PTPRM: variants seen among roughly 807,000 people sequenced by gnomAD.
PTPRM encodes protein tyrosine phosphatase receptor type M.
A neutral mutation model predicts 186.7 loss-of-function variants in PTPRM; 47 were observed. The observed-to-expected ratio is 0.25, with a 90% CI of 0.20 to 0.32. The LOEUF is 0.32. PTPRM is among the 10% of genes least tolerant of loss of function. The pLI is 1.00. For synonymous variants in PTPRM, 668 were observed against 674.9 expected (o/e 0.99, Z 0.16); for missense variants, 1,494 against 1,865.0 (o/e 0.80, Z 3.66).
At chr18:7,934,116 T>C (rs2051653429) in intron 5 of PTPRM, among the ~76,000 whole-genome samples, 1 of 152,194 alleles carries the variant, frequency 6.6e-6, no homozygotes, top group African/African-American at 2.4e-5. Flanking sequence ...ATAAGAAATA[T>C]ACCTTTAATA....
chr18:8,214,789 G>C (rs1417188706), intron 14 of PTPRM, among the ~76,000 whole-genome samples: 3 of 152,086 alleles, frequency 2.0e-5, no homozygotes, highest in Non-Finnish European at 2.9e-5. Context: ...TCAGCCTCCT[G>C]AGTAGCGGGA....
At chr18:8,064,433 T>C (rs1054974385) in intron 7 of PTPRM, among the ~76,000 whole-genome samples, 1 of 152,162 alleles carries the variant, frequency 6.6e-6, no homozygotes, top group Admixed American at 6.5e-5. Flanking sequence ...GCCTATTTGT[T>C]AGGAAGATAC....
At chr18:7,781,476 G>A (rs1016339999) in intron 2 of PTPRM, among the ~76,000 whole-genome samples, 2 of 151,836 alleles carry the variant, frequency 1.3e-5, no homozygotes, top group Admixed American at 6.6e-5. Context: ...TTTTAGGTTC[G>A]GGGGTACATG....
intron 9 of PTPRM, among the ~76,000 whole-genome samples, chr18:8,084,866 G>A (rs1165248250): frequency 6.6e-6 from 1 of 151,970 alleles, no homozygotes; most frequent in Admixed American, 6.6e-5. Context: ...AGGCACCTAT[G>A]TTATATTTAT....
intron 1 of PTPRM, among the ~76,000 whole-genome samples, chr18:7,771,425 G>C (rs555480621): frequency 1.3e-5 from 2 of 152,136 alleles, no homozygotes; most frequent in South Asian, 4.2e-4. Context: ...CTAACATTTC[G>C]TACCCCAAAC....
intron 14 of PTPRM, among the ~76,000 whole-genome samples, chr18:8,179,329 A>G (rs958396618): frequency 6.6e-6 from 1 of 152,216 alleles, no homozygotes; most frequent in African/African-American, 2.4e-5. Flanking sequence ...ACTTTACTCA[A>G]TTGTTAAAAG....
chr18:7,601,968 A>G (rs983703732), intron 1 of PTPRM, among the ~76,000 whole-genome samples: 2 of 152,234 alleles, frequency 1.3e-5, no homozygotes, highest in Admixed American at 1.3e-4. Flanking sequence ...TTGAGCCCCT[A>G]GGCATGCTAG....
chr18:8,008,138 T>G (rs1428945844), intron 7 of PTPRM, among the ~76,000 whole-genome samples: 1 of 152,174 alleles, frequency 6.6e-6, no homozygotes, highest in Non-Finnish European at 1.5e-5. Flanking sequence ...GAAGTGGCAT[T>G]GGGTTGGGGT....
At chr18:8,376,283 T>G in intron 25 of PTPRM, 83 bp downstream of exon 25, 1 of 1,561,448 alleles carries the variant, frequency 6.4e-7, no homozygotes, top group Middle Eastern at 1.7e-4. Context: ...GAGTATGTTT[T>G]AGAACTTCAG....
At chr18:8,153,274 G>A (rs1329766157) in intron 14 of PTPRM, among the ~76,000 whole-genome samples, 6 of 152,172 alleles carry the variant, frequency 3.9e-5, no homozygotes. Context: ...AGTTGCCCTT[G>A]TGACCCTAGC....
chr18:8,069,920 G>A lies in PTPRM; in HGVS notation c.1367G>A (p.Ser456Asn). ...AACCTGTCACCATACACCAATGTCAGTGTGAAACTGATCCTCATGAACCCA... is the reference window on the plus strand; with the variant it reads ...AACCTGTCACCATACACCAATGTCAATGTGAAACTGATCCTCATGAACCCA... Reference protein sequence around the residue: ...ITNLSPYTNVSVKLILMNPEG... With the variant: ...ITNLSPYTNVNVKLILMNPEG... Residue 456 changes from serine (S) to asparagine (N), a missense_variant, in exon 8 of 33, where the codon AGT becomes AAT. Transcript: ENST00000580170. 6.2e-7 allele frequency: 1 copy of A among 1,614,078 alleles called. No individual in the cohort carries two copies. Among genetic ancestry groups the A allele is most frequent in the Non-Finnish European group, 8.5e-7 (1 of 1,179,960 alleles).
chr18:8,308,389 A>G (rs1197899250), intron 20 of PTPRM, among the ~76,000 whole-genome samples: 2 of 152,256 alleles, frequency 1.3e-5, no homozygotes, highest in Non-Finnish European at 2.9e-5. Flanking sequence ...GGTCCAATAG[A>G]AAGAAACTAT....
At chr18:7,883,355 G>C (rs937607735) in intron 2 of PTPRM, among the ~76,000 whole-genome samples, 1 of 152,124 alleles carries the variant, frequency 6.6e-6, no homozygotes, top group Non-Finnish European at 1.5e-5. Context: ...GCCATATAGG[G>C]ATAGTTTAAA....
chr18:7,947,355 A>G (rs990484683), intron 5 of PTPRM, among the ~76,000 whole-genome samples: 2 of 152,116 alleles, frequency 1.3e-5, no homozygotes, highest in Non-Finnish European at 2.9e-5. Flanking sequence ...GATGATCACT[A>G]TAGGTTTGGC....
intron 2 of PTPRM, among the ~76,000 whole-genome samples, chr18:7,797,523 T>A (rs2043725379): frequency 6.6e-6 from 1 of 152,248 alleles, no homozygotes; most frequent in African/African-American, 2.4e-5. Flanking sequence ...CAGTTGAAGA[T>A]GACAATGTTG....
intron 1 of PTPRM, among the ~76,000 whole-genome samples, chr18:7,601,054 G>A (rs539399755): frequency 6.6e-5 from 10 of 152,320 alleles, no homozygotes; most frequent in Non-Finnish European, 1.0e-4. Flanking sequence ...TCAAGATCCT[G>A]CATTGGGGCT....
At chr18:7,799,957 T>C (rs774384394) in intron 2 of PTPRM, among the ~76,000 whole-genome samples, 3 of 152,186 alleles carry the variant, frequency 2.0e-5, no homozygotes, top group Admixed American at 6.5e-5. Flanking sequence ...TACCTTTAAC[T>C]GGGGTACAAG....
chr18:8,087,071 T>C (rs2090470658), intron 10 of PTPRM, among the ~76,000 whole-genome samples: 1 of 152,084 alleles, frequency 6.6e-6, no homozygotes, highest in African/African-American at 2.4e-5. Context: ...GTTCTAGTTA[T>C]GATTTTGCCA....
At chr18:7,972,476 C>CAAAAAAAAAAAAAAAAAAAAAAAAAAAA (rs2054604907) in intron 7 of PTPRM, among the ~76,000 whole-genome samples, 1 of 11,196 alleles carries the variant, frequency 8.9e-5, no homozygotes, top group Non-Finnish European at 1.9e-4. Flanking sequence ...AAAAAAAAAA[C>CAAAAAAAAAAAAAAAAAAAAAAAAAAAA]ATTAAAAAAA....
Sources: gnomAD v4.1 joint callset for allele counts (sites outside exome capture counted in the v4.1 genomes callset) on GRCh38, gnomAD v4.1.1 for gene constraint, MANE v1.5 for transcripts, NCBI Gene and HGNC (gene_info 2026-07-23, HGNC 2026-07-21) for gene names.